ZRANB3: variants seen among roughly 807,000 people sequenced by gnomAD.
ZRANB3 encodes the protein zinc finger RANBP2-type containing 3, also known as DNA annealing helicase and endonuclease ZRANB3.
ZRANB3 carries 125 observed loss-of-function variants against 133.8 expected under a neutral mutation model. The observed-to-expected ratio is 0.93, with a 90% CI of 0.81 to 1.08. The LOEUF (loss-of-function observed/expected upper bound fraction) is 1.08. ZRANB3 is among the 50% of genes least tolerant of loss of function. The pLI, the probability that ZRANB3 is intolerant of heterozygous loss-of-function variation, is 0.00. For missense variants in ZRANB3, 1,229 were observed against 1,275.5 expected, an observed-to-expected ratio of 0.96 and a Z score of 0.56; for synonymous variants, 387 against 432.7, an observed-to-expected ratio of 0.89 and a Z score of 1.31.
chr2:135,461,455 T>C (rs1690759613), intron 2 of ZRANB3, among the ~76,000 whole-genome samples: 2 of 152,054 alleles, frequency 1.3e-5, no homozygotes, highest in African/African-American at 4.8e-5. Flanking sequence ...CCTGTAATCC[T>C]AGCTATTTGG....
intron 1 of ZRANB3, among the ~76,000 whole-genome samples, chr2:135,524,901 A>G (rs1480288333): frequency 6.6e-6 from 1 of 152,130 alleles, no homozygotes; most frequent in African/African-American, 2.4e-5. Flanking sequence ...CTTATACCAA[A>G]AAAATTACAG....
At chr2:135,383,254 AT>A (rs1286438998) in intron 3 of ZRANB3, among the ~76,000 whole-genome samples, 1 of 152,268 alleles carries the variant, frequency 6.6e-6, no homozygotes, top group East Asian at 1.9e-4. Flanking sequence ...AAAGAAGGTC[AT>A]TACATAATGG....
At chr2:135,457,819 T>G (rs1178991938) in intron 2 of ZRANB3, among the ~76,000 whole-genome samples, 1 of 152,122 alleles carries the variant, frequency 6.6e-6, no homozygotes, top group Non-Finnish European at 1.5e-5. Context: ...TTGATACAAG[T>G]CCCTTATCAG....
chr2:135,339,869 T>C (rs991041306), intron 6 of ZRANB3, among the ~76,000 whole-genome samples: 4 of 152,150 alleles, frequency 2.6e-5, no homozygotes, highest in Admixed American at 2.0e-4. Flanking sequence ...TCGCAACACA[T>C]AAATAATTTT....
At chr2:135,379,513 G>A (rs932937222) in intron 3 of ZRANB3, among the ~76,000 whole-genome samples, 1 of 152,132 alleles carries the variant, frequency 6.6e-6, no homozygotes, top group Admixed American at 6.6e-5. Flanking sequence ...CTAGTTATAT[G>A]TCCTTGGGCA....
At chr2:135,296,729 T>C (rs1222524621) in intron 8 of ZRANB3, among the ~76,000 whole-genome samples, 4 of 152,222 alleles carry the variant, frequency 2.6e-5, no homozygotes, top group Non-Finnish European at 5.9e-5. Flanking sequence ...TGGTCTTTGA[T>C]GAAGGTGACA....
At chr2:135,472,449 G>T (rs1471858212) in intron 2 of ZRANB3, among the ~76,000 whole-genome samples, 3 of 148,240 alleles carry the variant, frequency 2.0e-5, no homozygotes, top group African/African-American at 7.4e-5. Flanking sequence ...GCAGTGAGCT[G>T]AGATCGAGCT....
intron 2 of ZRANB3, among the ~76,000 whole-genome samples, chr2:135,476,653 A>G (rs1691509385): frequency 6.6e-6 from 1 of 152,020 alleles, no homozygotes; most frequent in Non-Finnish European, 1.5e-5. Flanking sequence ...AGAAAACCAG[A>G]AAATCCAACA....
intron 17 of ZRANB3, among the ~76,000 whole-genome samples, chr2:135,214,711 T>A (rs1453019979): frequency 6.6e-6 from 1 of 152,188 alleles, no homozygotes; most frequent in Non-Finnish European, 1.5e-5. Context: ...TGTGTAAGTA[T>A]GTGTATATAT....
At chr2:135,485,180 A>AACATAACATAACATAACATAACAT (rs1553502629) in intron 2 of ZRANB3, among the ~76,000 whole-genome samples, 5 of 115,328 alleles carry the variant, frequency 4.3e-5, no homozygotes, top group African/African-American at 2.9e-4. Context: ...AAACAAAACA[A>AACATAACATAACATAACATAACAT]AACAAAACAT....
At chr2:135,255,997 T>C in intron 12 of ZRANB3, among the ~76,000 whole-genome samples, 1 of 150,460 alleles carries the variant, frequency 6.6e-6, no homozygotes, top group Non-Finnish European at 1.5e-5. Context: ...CACTACAGAC[T>C]CGACCGCCCT....
At chr2:135,503,347 A>G (rs1046716510) in intron 2 of ZRANB3, among the ~76,000 whole-genome samples, 1 of 152,246 alleles carries the variant, frequency 6.6e-6, no homozygotes. Context: ...GTGATAGACC[A>G]AGCATGGCAA....
rs974711541 is a variant in ZRANB3, at chr2:135,230,911, T to C, written c.1556A>G (p.Gln519Arg). Residue 519 changes from glutamine (Q) to arginine (R), a missense_variant, in exon 13 of 21, where the codon CAG becomes CGG. Physicochemically the swap from Gln to Arg is conservative, Grantham distance 43 (BLOSUM62 1). Transcript: ENST00000264159. Reference sequence around the variant, plus strand: ...TACAAAAAATGATCGAATATCATGCTGTTTTTCTTTTTCGAACTAGGAAAA... The same window carrying C: ...TACAAAAAATGATCGAATATCATGCCGTTTTTCTTTTTCGAACTAGGAAAA... ...ALFTHFEKEK[Q>R]HDIRSFFVPQ... 1.9e-6 allele frequency: 3 copies of C among 1,554,176 alleles called. No individual in the cohort carries two copies. Among genetic ancestry groups the C allele is most frequent in the African/African-American group, 2.8e-5 (2 of 72,512 alleles).
At chr2:135,483,675 G>T (rs1691951484) in intron 2 of ZRANB3, among the ~76,000 whole-genome samples, 1 of 151,972 alleles carries the variant, frequency 6.6e-6, no homozygotes, top group Non-Finnish European at 1.5e-5. Flanking sequence ...GTTTGCTCTT[G>T]CTTTTCTAGT....
rs147694865 is a variant in ZRANB3 at position 135,454,582 on chromosome 2, C to G, written c.161+49747G>C. ...CCAAAAGATGACTTTTCATCCCTCA[C>G]CCCCTTCCCATCCTCCCCTTTCTGA... On this transcript the variant is annotated intron_variant, in intron 2 of 20. Coordinates refer to ENST00000264159, the MANE Select transcript of ZRANB3 (RefSeq NM_032143.4). Among the ~76,000 whole-genome samples the G allele has an allele frequency of 9.9e-5, 15 of 152,266 alleles. No homozygotes were observed. The South Asian group carries it at 3.1e-3, about 32-fold the overall frequency.
intron 8 of ZRANB3, among the ~76,000 whole-genome samples, chr2:135,288,812 C>T (rs1194784901): frequency 6.6e-6 from 1 of 151,766 alleles, no homozygotes; most frequent in Non-Finnish European, 1.5e-5. Flanking sequence ...CTTGGTTAGC[C>T]TCACTAATAG....
At chr2:135,256,332 T>C (rs1679651283) in intron 12 of ZRANB3, among the ~76,000 whole-genome samples, 1 of 152,140 alleles carries the variant, frequency 6.6e-6, no homozygotes, top group South Asian at 2.1e-4. Context: ...ATCTTTTTTT[T>C]GTTTGTTTGT....
At chr2:135,276,226 T>A (rs1319747726) in intron 8 of ZRANB3, among the ~76,000 whole-genome samples, 1 of 149,928 alleles carries the variant, frequency 6.7e-6, no homozygotes, top group African/African-American at 2.5e-5. Context: ...GCTTAAGGTT[T>A]AAGGAAAGTT....
chr2:135,290,065 G>A (rs960114315), intron 8 of ZRANB3, among the ~76,000 whole-genome samples: 7 of 152,100 alleles, frequency 4.6e-5, no homozygotes, highest in Admixed American at 3.9e-4. Flanking sequence ...AAGTCCATTT[G>A]TTCTAGGGTA....
Sources: allele counts gnomAD v4.1 joint callset (sites outside exome capture counted in the v4.1 genomes callset), GRCh38; gene constraint gnomAD v4.1.1; transcripts MANE v1.5; gene names NCBI Gene and HGNC (gene_info 2026-07-23, HGNC 2026-07-21).